ALG9: variants seen among roughly 807,000 people sequenced by gnomAD.
ALG9 encodes the protein ALG9 alpha-1,2-mannosyltransferase, also known as alpha-1,2-mannosyltransferase ALG9.
Under a neutral mutation model 81.8 loss-of-function variants are expected in ALG9, and 55 were observed. The ratio of observed to expected loss-of-function variants is 0.67; its 90% confidence interval spans 0.54 to 0.84. ALG9 has a LOEUF of 0.84. ALG9 is among the 40% of genes least tolerant of loss of function. The pLI, the probability that ALG9 is intolerant of heterozygous loss-of-function variation, is 0.00. For synonymous variants in ALG9, 278 were observed against 274.3 expected, an observed-to-expected ratio of 1.01 and a Z score of -0.13; for missense variants, 629 against 745.0, an observed-to-expected ratio of 0.84 and a Z score of 1.81.
At chr11:111,836,655 G>A (rs1325739423) in intron 12 of ALG9, 3 of 328,278 alleles carry the variant, frequency 9.1e-6, no homozygotes, top group East Asian at 7.8e-5. Context: ...AGAATGAAAT[G>A]TAATATATGG....
At chr11:111,809,011 T>C (rs1467692991) in intron 14 of ALG9, among the ~76,000 whole-genome samples, 2 of 152,204 alleles carry the variant, frequency 1.3e-5, no homozygotes, top group Non-Finnish European at 2.9e-5. Context: ...TTCTAGTTCC[T>C]CAAAGGGCAT....
At chr11:111,809,607 A>G in intron 14 of ALG9, 36 bp downstream of exon 14, 1 of 1,613,198 alleles carries the variant, frequency 6.2e-7, no homozygotes, top group Admixed American at 1.7e-5. Flanking sequence ...TACCCATACT[A>G]GTCCTGGAAT....
At chr11:111,856,906 A>G (rs1555143670) in intron 6 of ALG9, among the ~76,000 whole-genome samples, 1 of 152,176 alleles carries the variant, frequency 6.6e-6, no homozygotes, top group African/African-American at 2.4e-5. Context: ...CGGGAGTTCA[A>G]GACCAGCCTG....
chr11:111,869,816 C>T (rs1425462667), intron 2 of ALG9, among the ~76,000 whole-genome samples: 3 of 152,106 alleles, frequency 2.0e-5, no homozygotes, highest in Admixed American at 2.0e-4. Context: ...AATGAGCCCC[C>T]ATCTCTGTTT....
chr11:111,854,438 G>C (rs1246209731), intron 6 of ALG9, among the ~76,000 whole-genome samples: 2 of 151,626 alleles, frequency 1.3e-5, no homozygotes, highest in African/African-American at 4.8e-5. Flanking sequence ...CCCGCTAATT[G>C]TTTTGTATTT....
chr11:111,782,207 AATTT>A lies in ALG9; in HGVS notation c.*4186_*4189del, dbSNP rs1945990801. 1 of 152,238 alleles carries A rather than the reference AATTT, an allele frequency of 6.6e-6. No homozygotes were observed. Among genetic ancestry groups the A allele is most frequent in the African/African-American group, 2.4e-5 (1 of 41,466 alleles). The allele number at this position is 152,238 out of a possible 1,614,324, so 9.4% of individuals were successfully genotyped here. A position where few individuals can be genotyped will look rare whatever the true frequency, so the allele number is the denominator to read the frequency against. On this transcript the variant is annotated 3_prime_UTR_variant, in exon 15 of 15. Transcript: ENST00000616540. The stretch of plus-strand genomic sequence containing the variant: ...AAGAAAAAGAAAATCAAACTGCTAC[AATTT>A]ATTTAACTCTTTCTTTCACAGGAAA...
intron 14 of ALG9, among the ~76,000 whole-genome samples, chr11:111,805,751 A>C (rs1555084556): frequency 6.6e-6 from 1 of 152,254 alleles, no homozygotes; most frequent in Non-Finnish European, 1.5e-5. Context: ...TATATGCCAT[A>C]GAACTGTATA....
chr11:111,860,041 A>C lies in ALG9; in HGVS notation c.565+506T>G, dbSNP rs111856793. ...ATTTCCAGAAGCTTATTATTAAAAG[A>C]AAGCCCAGCAGAAGATGCACATAGA... On this transcript the variant is annotated intron_variant, in intron 5 of 14. Coordinates refer to ENST00000616540, the MANE Select transcript of ALG9 (RefSeq NM_024740.2). Among the ~76,000 whole-genome samples the C allele has an allele frequency of 1.3e-5, 2 of 152,326 alleles. 1 individual carries two copies. Among genetic ancestry groups the C allele is most frequent in the African/African-American group, 4.8e-5 (2 of 41,580 alleles).
At chr11:111,805,892 C>T (rs542818541) in intron 14 of ALG9, among the ~76,000 whole-genome samples, 39 of 152,130 alleles carry the variant, frequency 2.6e-4, no homozygotes, top group African/African-American at 8.9e-4. Flanking sequence ...GCTCTGTCAC[C>T]CAGGTTGGAG....
intron 5 of ALG9, chr11:111,858,046 CTT>C: frequency 2.8e-6 from 1 of 363,402 alleles, no homozygotes; most frequent in African/African-American, 2.1e-5. Flanking sequence ...AAGCGATTCT[CTT>C]GACTGAGCCT....
chr11:111,799,744 CTTTTACT>C (rs1347272980), intron 14 of ALG9, among the ~76,000 whole-genome samples: 2 of 152,152 alleles, frequency 1.3e-5, no homozygotes, highest in Non-Finnish European at 2.9e-5. Context: ...GACAGGACCC[CTTTTACT>C]TTCAAAAGAC....
chr11:111,852,040 A>C (rs1402494968), intron 8 of ALG9, among the ~76,000 whole-genome samples: 1 of 152,210 alleles, frequency 6.6e-6, no homozygotes, highest in Non-Finnish European at 1.5e-5. Flanking sequence ...GACTCAAGTA[A>C]ATCTCATTCA....
chr11:111,805,748 C>T (rs1281302523), intron 14 of ALG9, among the ~76,000 whole-genome samples: 11 of 152,182 alleles, frequency 7.2e-5, no homozygotes, highest in African/African-American at 2.7e-4. Context: ...CATTATATGC[C>T]ATAGAACTGT....
chr11:111,779,131 T>A (rs557687297), downstream of ALG9, among the ~76,000 whole-genome samples: 1 of 151,992 alleles, frequency 6.6e-6, no homozygotes, highest in African/African-American at 2.4e-5. Context: ...GCAAATTTTT[T>A]AATGATCCCC....
chr11:111,846,865 C>T (rs1447453668), intron 8 of ALG9, among the ~76,000 whole-genome samples: 1 of 152,154 alleles, frequency 6.6e-6, no homozygotes, highest in Non-Finnish European at 1.5e-5. Context: ...ATGCAAAAAA[C>T]CATGTCAGAA....
chr11:111,804,748 C>A (rs1027001381), intron 14 of ALG9, among the ~76,000 whole-genome samples: 1 of 152,196 alleles, frequency 6.6e-6, no homozygotes, highest in Admixed American at 6.5e-5. Flanking sequence ...ATTAAAACAA[C>A]GATGAAATAC....
chr11:111,870,566 T>A (rs974259829), intron 1 of ALG9, among the ~76,000 whole-genome samples, 196 bp from the exon 2 acceptor site: 3 of 151,938 alleles, frequency 2.0e-5, no homozygotes, highest in Non-Finnish European at 2.9e-5. Context: ...TAAGAAAAAA[T>A]TTTTATGAGA....
At position 111,795,686 on chromosome 11, in the gene ALG9, C is replaced by T. The variant is rs78901938; in HGVS notation, c.1734-9166G>A. ...ACTAGGAAGTTTACTGAGGCACAAACTGGAATCGTGGCATCGTGAGACTGG... is the reference window on the plus strand; with the variant it reads ...ACTAGGAAGTTTACTGAGGCACAAATTGGAATCGTGGCATCGTGAGACTGG... On this transcript the variant is annotated intron_variant, in intron 14 of 14. Coordinates refer to ENST00000616540, the MANE Select transcript of ALG9 (RefSeq NM_024740.2). 8.1e-3 allele frequency among the ~76,000 whole-genome samples: 1,239 copies of T among 152,322 alleles called. 5 individuals are homozygous for T. The highest frequency in any genetic ancestry group is 0.014 in the Non-Finnish European group (965 of 68,032).
In ALG9 at chr11:111,784,367, T is replaced by G. The variant is rs1371166544; in HGVS notation, c.*2030A>C. 1.3e-5 allele frequency: 2 copies of G among 152,264 alleles called. No individual in the cohort carries two copies. The highest frequency in any genetic ancestry group is 4.8e-5 in the African/African-American group (2 of 41,470). 9.4% of individuals were successfully genotyped at this position (152,264 alleles called of 1,614,324 possible). On this transcript the variant is annotated 3_prime_UTR_variant, in exon 15 of 15. Transcript: ENST00000616540. ...TTGTAACTAGCCATTTCTTCTGTTATCACTTCTTTTCTTCTCTCTTGGCAC... is the reference window on the plus strand; with the variant it reads ...TTGTAACTAGCCATTTCTTCTGTTAGCACTTCTTTTCTTCTCTCTTGGCAC...
Sources: allele counts gnomAD v4.1 joint callset (sites outside exome capture counted in the v4.1 genomes callset), GRCh38; gene constraint gnomAD v4.1.1; transcripts MANE v1.5; gene names NCBI Gene and HGNC (gene_info 2026-07-23, HGNC 2026-07-21).